The following STPG4 variants were observed in gnomAD, a reference collection of about 807,000 sequenced individuals.
The protein encoded by STPG4 is protein STPG4.
In STPG4, 41 loss-of-function variants were observed where a neutral mutation model predicts 31.5. That is an observed-to-expected ratio of 1.30 (90% CI 1.01 to 1.69). STPG4 has a LOEUF of 1.69. Ranked by LOEUF, STPG4 falls within the 40% of genes most tolerant of loss-of-function variation. STPG4 has a pLI of 0.00. For synonymous variants in STPG4, 141 were observed against 103.0 expected, an observed-to-expected ratio of 1.37 and a Z score of -2.24; for missense variants, 375 against 293.4, an observed-to-expected ratio of 1.28 and a Z score of -2.03.
rs554898418 is a variant in STPG4, at chr2:47,125,396, G to C, written c.519+4545C>G. ...TGTTTGCATCACTGCACTTCAGCCT[G>C]GGTGAAAAAGCAAGACGCTGTCTCA... On this transcript the variant is annotated intron_variant, in intron 5 of 6. Transcript: ENST00000445927. 2.0e-5 allele frequency among the ~76,000 whole-genome samples: 3 copies of C among 152,276 alleles called. No homozygotes were observed. In the South Asian group the frequency reaches 6.2e-4, roughly 32 times the overall value.
chr2:47,118,942 A>G (rs1376431646), intron 5 of STPG4, among the ~76,000 whole-genome samples: 1 of 152,208 alleles, frequency 6.6e-6, no homozygotes, highest in East Asian at 1.9e-4. Flanking sequence ...TATGAAGCTA[A>G]TTTTTAGAAC....
At chr2:47,132,025 CGTG>C (rs1558683771) in intron 3 of STPG4, among the ~76,000 whole-genome samples, 1 of 152,066 alleles carries the variant, frequency 6.6e-6, no homozygotes, top group African/African-American at 2.4e-5. Flanking sequence ...ATTAGCCAGG[CGTG>C]GTGGTGGGCA....
At chr2:47,144,562 A>C (rs1416506234) in intron 3 of STPG4, among the ~76,000 whole-genome samples, 1 of 152,020 alleles carries the variant, frequency 6.6e-6, no homozygotes, top group East Asian at 1.9e-4. Flanking sequence ...ACAAAAATAA[A>C]TGATGTGTAA....
At chr2:47,129,744 G>A (rs146616162) in intron 5 of STPG4, 197 bp downstream of exon 5, 22 of 587,972 alleles carry the variant, frequency 3.7e-5, no homozygotes, top group Non-Finnish European at 2.9e-5. Context: ...GTTAAAACCT[G>A]GTATTGCGAT....
chr2:47,103,672 A>G (rs539693252), intron 5 of STPG4, among the ~76,000 whole-genome samples: 1 of 152,070 alleles, frequency 6.6e-6, no homozygotes, highest in South Asian at 2.1e-4. Context: ...CCCCTCGTCC[A>G]TGTCCACTAT....
intron 5 of STPG4, among the ~76,000 whole-genome samples, chr2:47,123,218 T>A (rs1686308736): frequency 6.6e-6 from 1 of 152,242 alleles, no homozygotes; most frequent in South Asian, 2.1e-4. Context: ...AAGAGTTCAT[T>A]TTTTATCATA....
intron 5 of STPG4, among the ~76,000 whole-genome samples, chr2:47,113,600 T>C (rs544140349): frequency 4.6e-4 from 70 of 152,338 alleles, no homozygotes; most frequent in African/African-American, 1.5e-3. Context: ...AATTAATGAA[T>C]ATTTTAAAAA....
intron 5 of STPG4, among the ~76,000 whole-genome samples, chr2:47,116,952 A>C (rs1686165258): frequency 6.6e-6 from 1 of 152,082 alleles, no homozygotes; most frequent in Non-Finnish European, 1.5e-5. Flanking sequence ...CCCCTCAACT[A>C]ATGAATACCT....
At chr2:47,106,739 A>G (rs1249299082) in intron 5 of STPG4, among the ~76,000 whole-genome samples, 1 of 151,856 alleles carries the variant, frequency 6.6e-6, no homozygotes, top group Admixed American at 6.6e-5. Context: ...TCTTATGCCA[A>G]CCTCCGGAGT....
At chr2:47,132,120 G>A (rs1216794268) in intron 3 of STPG4, among the ~76,000 whole-genome samples, 6 of 151,308 alleles carry the variant, frequency 4.0e-5, no homozygotes, top group African/African-American at 9.7e-5. Flanking sequence ...AGCCAAGATC[G>A]TGCCACTGGA....
intron 3 of STPG4, among the ~76,000 whole-genome samples, chr2:47,132,063 G>C (rs1368426166): frequency 6.6e-6 from 1 of 152,028 alleles, no homozygotes; most frequent in Non-Finnish European, 1.5e-5. Context: ...TACTTGGGAA[G>C]CTGAGGCACG....
At position 47,133,570 on chromosome 2, in the gene STPG4, C is replaced by CTTTT. The variant is rs10682288; in HGVS notation, c.400-3314_400-3311dup. On this transcript the variant is annotated intron_variant, in intron 3 of 6. Transcript: ENST00000445927. ...ATCCATGCTGATTAGGCACTCAAAT[C>CTTTT]TTTTTTTTTTTTTTTTTTTTTTTTG... Among the ~76,000 whole-genome samples the CTTTT allele has an allele frequency of 5.7e-3, 380 of 67,146 alleles. 95 individuals are homozygous for CTTTT. The highest frequency in any genetic ancestry group is 0.016 in the East Asian group (32 of 1,942). The allele number at this position is 67,146 out of a possible 152,430, so 44.1% of individuals were successfully genotyped here. A position where few individuals can be genotyped will look rare whatever the true frequency, so the allele number is the denominator to read the frequency against.
chr2:47,119,948 G>A (rs186975762), intron 5 of STPG4, among the ~76,000 whole-genome samples: 6 of 152,316 alleles, frequency 3.9e-5, no homozygotes, highest in Non-Finnish European at 7.4e-5. Flanking sequence ...CTAAAAGGGT[G>A]ACATTGCATG....
intron 5 of STPG4, among the ~76,000 whole-genome samples, chr2:47,115,652 CT>C (rs70940657): frequency 8.2e-4 from 93 of 113,314 alleles, no homozygotes; most frequent in African/African-American, 2.3e-3. Context: ...ACATTAAAGG[CT>C]TTTTTTTTTT....
intron 1 of STPG4, among the ~76,000 whole-genome samples, chr2:47,153,714 A>C (rs1686978230): frequency 6.6e-6 from 1 of 152,196 alleles, no homozygotes. Context: ...CAGAGGTTGC[A>C]GTGGGCCGAG....
At chr2:47,087,440 C>G (rs1010521401) in intron 6 of STPG4, among the ~76,000 whole-genome samples, 1 of 152,220 alleles carries the variant, frequency 6.6e-6, no homozygotes, top group African/African-American at 2.4e-5. Context: ...ACACCTTCTC[C>G]CAAAGGGCAC....
chr2:47,120,776 C>T (rs1391196931), intron 5 of STPG4, among the ~76,000 whole-genome samples: 1 of 152,028 alleles, frequency 6.6e-6, no homozygotes, highest in African/African-American at 2.4e-5. Flanking sequence ...CTTCTCAGGG[C>T]TAGCTATCAA....
chr2:47,130,210 G>A lies in STPG4; in HGVS notation c.450C>T (p.Pro150=), dbSNP rs200949928. The A allele has an allele frequency of 5.4e-4, 879 of 1,613,782 alleles. 10 individuals are homozygous for A. In the South Asian group the frequency reaches 9.0e-3, roughly 17 times the overall value. ...GQYNVLPAPV[P]KYASRSCVFR... The stretch of plus-strand genomic sequence containing the variant: ...TATATAATTACCTGGAAGCATATTT[G>A]GGAACTGGTGCAGGAAGCACGTTGT... Residue 150 remains proline (P), a synonymous_variant, in exon 4 of 7, where the codon CCC becomes CCT. Transcript: ENST00000445927.
chr2:47,151,493 T>A lies in STPG4; in HGVS notation c.164A>T (p.Tyr55Phe), dbSNP rs1339277746. ...TTCTTCAATAAAAGTTTTCAAGTGG[T>A]AAGTGCCAGGTATAGGAGTATCCTG... ...ALTDTPIPGT[Y>F]HLKTFIEESL... The change falls in exon 3 of 7, where the codon TAC becomes TTC. Residue 55 changes from tyrosine to phenylalanine, a missense_variant. Physicochemically the swap from Tyr to Phe is conservative, Grantham distance 22. Coordinates refer to ENST00000445927, the MANE Select transcript of STPG4 (RefSeq NM_001163561.2). 4 of 1,613,836 alleles carry A rather than the reference T, an allele frequency of 2.5e-6. No individual in the cohort carries two copies. The highest frequency in any genetic ancestry group is 4.5e-5 in the East Asian group (2 of 44,900).
Sources: gnomAD v4.1 joint callset for allele counts (sites outside exome capture counted in the v4.1 genomes callset) on GRCh38, gnomAD v4.1.1 for gene constraint, MANE v1.5 for transcripts, NCBI Gene and HGNC (gene_info 2026-07-23, HGNC 2026-07-21) for gene names.